KALRN: variants seen among roughly 807,000 people sequenced by gnomAD.
The protein encoded by KALRN is kalirin RhoGEF kinase.
KALRN carries 70 observed loss-of-function variants against 353.7 expected under a neutral mutation model. The ratio of observed to expected loss-of-function variants is 0.20; its 90% CI spans 0.16 to 0.24. The LOEUF is 0.24. KALRN is among the 10% of genes least tolerant of loss of function. KALRN has a pLI of 1.00. For missense variants in KALRN, 2,791 were observed against 3,756.7 expected (o/e 0.74, Z 6.72); for synonymous variants, 1,391 against 1,434.8 (o/e 0.97, Z 0.69).
chr3:124,443,403 G>T (rs1252348227), intron 19 of KALRN, among the ~76,000 whole-genome samples: 1 of 152,218 alleles, frequency 6.6e-6, no homozygotes, highest in African/African-American at 2.4e-5. Context: ...GTCTGCTTAA[G>T]AAGAGCTTCC....
chr3:124,646,636 C>A (rs1309978414), intron 37 of KALRN, among the ~76,000 whole-genome samples: 1 of 151,432 alleles, frequency 6.6e-6, no homozygotes, highest in African/African-American at 2.4e-5. Flanking sequence ...GGTTATCTGC[C>A]CCCCTCGGCC....
chr3:124,623,095 CTCTT>C (rs548724191), intron 34 of KALRN, among the ~76,000 whole-genome samples: 5 of 151,916 alleles, frequency 3.3e-5, no homozygotes, highest in African/African-American at 1.2e-4. Flanking sequence ...CTTTGTCTCT[CTCTT>C]TTTTATTCTC....
intron 1 of KALRN, among the ~76,000 whole-genome samples, chr3:124,080,328 A>G (rs2060476985): frequency 6.6e-6 from 1 of 152,236 alleles, no homozygotes; most frequent in Admixed American, 6.5e-5. Flanking sequence ...ACACAAATAC[A>G]TTCTAAATTT....
At chr3:124,289,035 C>T (rs1031700071) in intron 5 of KALRN, among the ~76,000 whole-genome samples, 4 of 152,132 alleles carry the variant, frequency 2.6e-5, no homozygotes, top group African/African-American at 9.7e-5. Context: ...GTTCTGGAGG[C>T]TGGGAAGTCC....
chr3:124,387,743 G>T (rs1165802016), intron 11 of KALRN, among the ~76,000 whole-genome samples: 1 of 152,118 alleles, frequency 6.6e-6, no homozygotes, highest in African/African-American at 2.4e-5. Context: ...ATACAAAGGG[G>T]TTTATGGTTA....
At chr3:124,555,939 G>C (rs1385336464) in intron 33 of KALRN, among the ~76,000 whole-genome samples, 2 of 152,142 alleles carry the variant, frequency 1.3e-5, no homozygotes, top group Non-Finnish European at 2.9e-5. Flanking sequence ...AGCACTGTGT[G>C]TTAGAGATTC....
rs1167634983 is a variant in KALRN, at chr3:124,696,237, G to A, written c.7681G>A (p.Ala2561Thr). The A allele has an allele frequency of 1.9e-6, 3 of 1,613,890 alleles. No individual in the cohort carries two copies. Among genetic ancestry groups the A allele is most frequent in the Non-Finnish European group, 2.5e-6 (3 of 1,179,904 alleles). Residue 2561 changes from alanine (A) to threonine (T), a missense_variant, in exon 54 of 60, where the codon GCA becomes ACA. Physicochemically the swap from Ala to Thr is moderately conservative, Grantham distance 58. Around this residue, in one of 11 missense-constraint regions of KALRN, gnomAD observed 1,065 missense variants for 1,156.4 expected, o/e 0.92. Coordinates refer to ENST00000682506, the MANE Select transcript of KALRN (RefSeq NM_001388419.1). ...TGACCACGGGACCACATCAACGTCT[G>A]CAACAGTCAAAGTGCAAGGTACAGC... The part of the protein sequence containing the change: ...TNDHGTTSTS[A>T]TVKVQGVPAA...
chr3:124,519,619 A>G, intron 33 of KALRN: 1 of 985,366 alleles, frequency 1.0e-6, no homozygotes, highest in Non-Finnish European at 1.2e-6. Context: ...TCACAATCTT[A>G]TTGTGAGGAT....
At chr3:124,524,584 CA>C (rs2067430173) in intron 33 of KALRN, among the ~76,000 whole-genome samples, 1 of 152,128 alleles carries the variant, frequency 6.6e-6, no homozygotes, top group African/African-American at 2.4e-5. Context: ...CACTGCAACA[CA>C]AGGACTGAAC....
chr3:124,546,037 G>T (rs1031207539), intron 33 of KALRN, among the ~76,000 whole-genome samples: 2 of 152,282 alleles, frequency 1.3e-5, no homozygotes, highest in Admixed American at 6.5e-5. Flanking sequence ...AACCTGGAGA[G>T]TAACTTACTA....
At chr3:124,572,880 A>T (rs1292498651) in intron 34 of KALRN, among the ~76,000 whole-genome samples, 8 of 151,634 alleles carry the variant, frequency 5.3e-5, no homozygotes, top group Admixed American at 5.3e-4. Flanking sequence ...TCTAGGAAAA[A>T]TTTTTAAAAA....
At chr3:124,704,750 A>G (rs2062516370) in intron 57 of KALRN, among the ~76,000 whole-genome samples, 1 of 152,114 alleles carries the variant, frequency 6.6e-6, no homozygotes. Context: ...GTATTTCACC[A>G]TGTTGCCCAG....
chr3:124,416,992 C>T (rs113867453), intron 14 of KALRN, among the ~76,000 whole-genome samples: 4 of 152,204 alleles, frequency 2.6e-5, no homozygotes, highest in African/African-American at 9.6e-5. Flanking sequence ...AATATTGAGC[C>T]AGGCTCTACT....
chr3:124,350,646 G>T (rs1341028676), intron 10 of KALRN, among the ~76,000 whole-genome samples: 2 of 152,170 alleles, frequency 1.3e-5, no homozygotes, highest in Non-Finnish European at 2.9e-5. Flanking sequence ...GGGGGATGTT[G>T]CCACCCTTAT....
intron 1 of KALRN, among the ~76,000 whole-genome samples, chr3:124,112,439 A>G (rs1267767221): frequency 6.6e-6 from 1 of 152,120 alleles, no homozygotes; most frequent in Non-Finnish European, 1.5e-5. Flanking sequence ...AAGGCGAGGT[A>G]TGAAGGTACA....
chr3:124,541,399 G>A (rs912203877), intron 33 of KALRN, among the ~76,000 whole-genome samples: 5 of 151,794 alleles, frequency 3.3e-5, no homozygotes, highest in Admixed American at 2.0e-4. Context: ...GCAGTGAGCC[G>A]AGATCACGCC....
At chr3:124,203,628 A>G (rs2076145908) in intron 1 of KALRN, among the ~76,000 whole-genome samples, 1 of 152,190 alleles carries the variant, frequency 6.6e-6, no homozygotes, top group South Asian at 2.1e-4. Context: ...AAAGAAAAAT[A>G]ATAATAATAG....
At position 124,721,077 on chromosome 3, in the gene KALRN, C is replaced by A. The variant is rs2063346697; in HGVS notation, c.*1607C>A. On this transcript the variant is annotated 3_prime_UTR_variant, in exon 60 of 60. Coordinates refer to ENST00000682506, the MANE Select transcript of KALRN (RefSeq NM_001388419.1). ...TATGAAGGATGAATAGAACTACAAA[C>A]CTATCTAAATGAAAAAGAAATGGTG... 1 of 152,050 alleles carries A rather than the reference C, an allele frequency of 6.6e-6. No individual in the cohort carries two copies. The highest frequency in any genetic ancestry group is 1.5e-5 in the Non-Finnish European group (1 of 68,002). The allele number at this position is 152,050 out of a possible 1,614,324, so 9.4% of individuals were successfully genotyped here.
intron 1 of KALRN, among the ~76,000 whole-genome samples, chr3:124,108,690 C>T (rs994656976): frequency 6.6e-6 from 1 of 152,176 alleles, no homozygotes; most frequent in Non-Finnish European, 1.5e-5. Context: ...CTGTGAGTGA[C>T]TATGATGATC....
Sources: gnomAD v4.1 joint callset for allele counts (sites outside exome capture counted in the v4.1 genomes callset) on GRCh38, gnomAD v4.1.1 for gene constraint, gnomAD v4.1.1 regional missense constraint, MANE v1.5 for transcripts, NCBI Gene and HGNC (gene_info 2026-07-23, HGNC 2026-07-21) for gene names.